AADACL3: variants seen among roughly 807,000 people sequenced by gnomAD.
AADACL3 encodes the protein arylacetamide deacetylase like 3.
In AADACL3, 13 loss-of-function variants were observed where a neutral mutation model predicts 13.6. That is an observed-to-expected ratio of 0.95 (90% CI 0.62 to 1.52). AADACL3 has a LOEUF of 1.52. Among genes scored for constraint, AADACL3 ranks in the 40% most tolerant of loss-of-function variants. The pLI, the probability that AADACL3 is intolerant of heterozygous loss-of-function variation, is 0.00. For synonymous variants in AADACL3, 195 were observed against 197.0 expected (o/e 0.99, Z 0.08); for missense variants, 519 against 499.2 (o/e 1.04, Z -0.38).
At position 12,725,868 on chromosome 1, in the gene AADACL3, C is replaced by A. The variant is rs1457821996; in HGVS notation, c.1096C>A (p.Pro366Thr). 4 of 1,614,044 alleles carry A rather than the reference C, an allele frequency of 2.5e-6. No homozygotes were observed. Among genetic ancestry groups the A allele is most frequent in the Non-Finnish European group, 3.4e-6 (4 of 1,180,044 alleles). ...GAAAAGGCTGGAAGACCTGGGAGTG[C>A]CCGTGACCTGGCACCATATGGAGGA... Reference protein sequence around the residue: ...YKKRLEDLGVPVTWHHMEDGF... With the variant: ...YKKRLEDLGVTVTWHHMEDGF... The change falls in exon 4 of 4, where the codon CCC (proline) becomes ACC (threonine). Residue 366 changes from proline to threonine, a missense_variant. Physicochemically the swap from Pro to Thr is conservative, Grantham distance 38. Transcript: ENST00000359318.
chr1:12,720,768 T>G, intron 2 of AADACL3, 115 bp from the exon 3 acceptor site: 1 of 807,008 alleles, frequency 1.2e-6, no homozygotes, highest in Non-Finnish European at 2.1e-6. Context: ...TTTGCTGGAG[T>G]AGAGGAAAAC....
chr1:12,720,943 T>G lies in AADACL3; in HGVS notation c.446T>G (p.Val149Gly). The G allele has an allele frequency of 6.3e-7, 1 of 1,593,580 alleles. No individual in the cohort carries two copies. The highest frequency in any genetic ancestry group is 8.6e-7 in the Non-Finnish European group (1 of 1,168,718). ...GAGAGTGACTCCGTGGTTCTGGCAGTTGGGTGAGTAAAGGGGAGATCCCAG... is the reference window on the plus strand; with the variant it reads ...GAGAGTGACTCCGTGGTTCTGGCAGGTGGGTGAGTAAAGGGGAGATCCCAG... ...CKESDSVVLA[V>G]GYRKLPKHKF... The change falls in exon 3 of 4, where the codon GTT becomes GGT. Residue 149 changes from valine to glycine, a missense_variant. Val to Gly is a moderately radical substitution (Grantham distance 109). Coordinates refer to ENST00000359318, the MANE Select transcript of AADACL3 (RefSeq NM_001103170.3).
At position 12,726,001 on chromosome 1, in the gene AADACL3, C is replaced by T. The variant is rs368121275; in HGVS notation, c.*5C>T. ...CAATTTGTAAAGGGACTGTGACCAT[C>T]TTTCTTCTCTGCTGGTACTGCGGTG... On this transcript the variant is annotated 3_prime_UTR_variant, in exon 4 of 4. Coordinates refer to ENST00000359318, the MANE Select transcript of AADACL3 (RefSeq NM_001103170.3). 1.6e-5 allele frequency: 25 copies of T among 1,602,416 alleles called. No homozygotes were observed. Among genetic ancestry groups the T allele is most frequent in the African/African-American group, 5.4e-5 (4 of 74,672 alleles).
intron 3 of AADACL3, among the ~76,000 whole-genome samples, chr1:12,724,461 T>A (rs1638326253): frequency 6.6e-6 from 1 of 152,106 alleles, no homozygotes; most frequent in African/African-American, 2.4e-5. Flanking sequence ...CAATGTTGAA[T>A]GAAATGACAT....
rs146861354 is a variant in AADACL3, at chr1:12,726,047, C to A, written c.*51C>A. Reference sequence around the variant, plus strand: ...CGGTGTGGATTCCACTGGCATCCAGCCTCCCACAGGGCTCTCTGTTGCTGA... The same window carrying A: ...CGGTGTGGATTCCACTGGCATCCAGACTCCCACAGGGCTCTCTGTTGCTGA... On this transcript the variant is annotated 3_prime_UTR_variant, in exon 4 of 4. Coordinates refer to ENST00000359318, the MANE Select transcript of AADACL3 (RefSeq NM_001103170.3). 2.1e-4 allele frequency: 319 copies of A among 1,550,840 alleles called. 1 individual carries two copies. The African/African-American group carries it at 3.8e-3, about 18-fold the overall frequency.
In AADACL3 at chr1:12,719,545, C is replaced by T. The variant is rs142242506; in HGVS notation, c.239C>T (p.Pro80Leu). ...TTCTGTTTCATGCAAGATCTGCCTCCGCTAAAGTATGACCCCGATGTTGTG... is the reference window on the plus strand; with the variant it reads ...TTCTGTTTCATGCAAGATCTGCCTCTGCTAAAGTATGACCCCGATGTTGTG... ...QFFCFMQDLP[P>L]LKYDPDVVVT... The change falls in exon 2 of 4, where the codon CCG becomes CTG. Residue 80 changes from proline to leucine, a missense_variant. By Grantham distance (98) the Pro-to-Leu change is moderately conservative (BLOSUM62 -3). Coordinates refer to ENST00000359318, the MANE Select transcript of AADACL3 (RefSeq NM_001103170.3). The T allele has an allele frequency of 5.8e-4, 937 of 1,614,146 alleles. 5 individuals are homozygous for T. The African/African-American group carries it at 0.011, about 19-fold the overall frequency.
At position 12,725,738 on chromosome 1, in the gene AADACL3, G is replaced by A. The variant is rs748441437; in HGVS notation, c.966G>A (p.Met322Ile). 2 of 1,614,040 alleles carry A rather than the reference G, an allele frequency of 1.2e-6. No homozygotes were observed. Among genetic ancestry groups the A allele is most frequent in the East Asian group, 2.2e-5 (1 of 44,884 alleles). ...AAGTAAGTGTTGTCCTGGATGTGATGTGCTCGCCCCTGATTGCAGAAGATG... is the reference window on the plus strand; with the variant it reads ...AAGTAAGTGTTGTCCTGGATGTGATATGCTCGCCCCTGATTGCAGAAGATG... Reference protein sequence around the residue: ...YLEVSVVLDVMCSPLIAEDDI... With the variant: ...YLEVSVVLDVICSPLIAEDDI... Residue 322 changes from methionine (M) to isoleucine (I), a missense_variant, in exon 4 of 4, where the codon ATG becomes ATA. Coordinates refer to ENST00000359318, the MANE Select transcript of AADACL3 (RefSeq NM_001103170.3).
In AADACL3 at chr1:12,719,479, T is replaced by G. The variant is rs1557569863; in HGVS notation, c.173T>G (p.Met58Arg). The G allele has an allele frequency of 5.6e-6, 9 of 1,613,402 alleles. No homozygotes were observed. The highest frequency in any genetic ancestry group is 4.4e-5 in the South Asian group (4 of 91,074). ...CATTTCTTCTCTCTCCAACAGGGGA[T>G]GATATTTGAGAAGCTCAGAATCTGT... is the stretch of plus-strand genomic sequence containing the variant. ...CIFQLLLTWG[M>R]IFEKLRICSM... The change falls in exon 2 of 4, where the codon ATG becomes AGG. Residue 58 changes from methionine to arginine, a missense_variant. Met to Arg is a moderately conservative substitution (Grantham distance 91). Coordinates refer to ENST00000359318, the MANE Select transcript of AADACL3 (RefSeq NM_001103170.3).
In AADACL3 at chr1:12,725,426, G is replaced by C; in HGVS notation, c.654G>C (p.Gln218His). 6.2e-7 allele frequency: 1 copy of C among 1,614,040 alleles called. No individual in the cohort carries two copies. Residue 218 changes from glutamine to histidine, a missense_variant, in exon 4 of 4, where the codon CAG becomes CAC. Coordinates refer to ENST00000359318, the MANE Select transcript of AADACL3 (RefSeq NM_001103170.3). ...CAGATCTGCCCCGGATCCGGGCTCAGATCCTGATCTATGCCATTCTCCAAG... is the reference window on the plus strand; with the variant it reads ...CAGATCTGCCCCGGATCCGGGCTCACATCCTGATCTATGCCATTCTCCAAG... ...DRPDLPRIRA[Q>H]ILIYAILQAL...
At chr1:12,719,087 G>A (rs1648505785) in intron 1 of AADACL3, among the ~76,000 whole-genome samples, 1 of 152,194 alleles carries the variant, frequency 6.6e-6, no homozygotes, top group South Asian at 2.1e-4. Flanking sequence ...GGCCAGATTG[G>A]CTGGGACGGC....
intron 3 of AADACL3, among the ~76,000 whole-genome samples, chr1:12,724,254 C>T (rs1386387904): frequency 1.3e-5 from 2 of 152,128 alleles, no homozygotes; most frequent in Non-Finnish European, 2.9e-5. Context: ...GGCACACTCA[C>T]ACCTACAACC....
In AADACL3 at chr1:12,725,227, G is replaced by A. The variant is rs748929112; in HGVS notation, c.455G>A (p.Arg152His). 102 of 1,594,980 alleles carry A rather than the reference G, an allele frequency of 6.4e-5. No individual in the cohort carries two copies. Among genetic ancestry groups the A allele is most frequent in the Non-Finnish European group, 7.8e-5 (91 of 1,171,710 alleles). Residue 152 changes from arginine to histidine, a missense_variant, in exon 4 of 4, where the codon CGC (arginine) becomes CAC (histidine). Coordinates refer to ENST00000359318, the MANE Select transcript of AADACL3 (RefSeq NM_001103170.3). The stretch of plus-strand genomic sequence containing the variant: ...GTTTCTTGATTCCTTTTTAGTTACC[G>A]CAAGTTACCTAAGCATAAGTTTCCA... ...SDSVVLAVGYRKLPKHKFPVP... is the reference protein window; with the variant it reads ...SDSVVLAVGYHKLPKHKFPVP...
In AADACL3 at chr1:12,728,067, C is replaced by T. The variant is rs1293445323; in HGVS notation, c.*2071C>T. The stretch of plus-strand genomic sequence containing the variant: ...GATCATGGGAGAAATCAAGCACTTT[C>T]ACCTAATGGCTAGATGATTGATTTT... On this transcript the variant is annotated 3_prime_UTR_variant, in exon 4 of 4. Transcript: ENST00000359318. The T allele has an allele frequency of 6.6e-6, 1 of 152,260 alleles. No homozygotes were observed. Among genetic ancestry groups the T allele is most frequent in the African/African-American group, 2.4e-5 (1 of 41,464 alleles). 9.4% of individuals were successfully genotyped at this position (152,260 alleles called of 1,614,324 possible).
In AADACL3 at chr1:12,727,850, T is replaced by C. The variant is rs1569638157; in HGVS notation, c.*1854T>C. The stretch of plus-strand genomic sequence containing the variant: ...GCTGGGAGAGGCTCCCTCCTTGGAG[T>C]GTTGCTTTTTTTGTTTCACCCCTGC... On this transcript the variant is annotated 3_prime_UTR_variant, in exon 4 of 4. Transcript: ENST00000359318. 1 of 151,894 alleles carries C rather than the reference T, an allele frequency of 6.6e-6. No individual in the cohort carries two copies. Among genetic ancestry groups the C allele is most frequent in the African/African-American group, 2.4e-5 (1 of 41,304 alleles). The allele number at this position is 151,894 out of a possible 1,614,324, so 9.4% of individuals were successfully genotyped here.
In AADACL3 at chr1:12,726,014, T is replaced by C. The variant is rs371719702; in HGVS notation, c.*18T>C. On this transcript the variant is annotated 3_prime_UTR_variant, in exon 4 of 4. Transcript: ENST00000359318. ...GACTGTGACCATCTTTCTTCTCTGC[T>C]GGTACTGCGGTGTGGATTCCACTGG... 3.4e-5 allele frequency: 54 copies of C among 1,593,020 alleles called. 1 individual carries two copies. Among genetic ancestry groups the C allele is most frequent in the Non-Finnish European group, 4.4e-5 (51 of 1,169,558 alleles).
intron 3 of AADACL3, 70 bp downstream of exon 3, chr1:12,721,016 G>A: frequency 2.7e-6 from 1 of 370,642 alleles, no homozygotes; most frequent in South Asian, 2.5e-5. Context: ...GGGGTGAGAA[G>A]TAGAAATGGG....
rs1188706248 is a variant in AADACL3 at position 12,716,311 on chromosome 1, C to T, written c.135C>T (p.Val45=). 3 of 1,614,158 alleles carry T rather than the reference C, an allele frequency of 1.9e-6. No individual in the cohort carries two copies. Among genetic ancestry groups the T allele is most frequent in the South Asian group, 2.2e-5 (2 of 91,078 alleles). The change falls in exon 1 of 4, where the codon GTC becomes GTT. Residue 45 remains valine (V), a synonymous_variant. Transcript: ENST00000359318. ...AAVGHPVKLR[V]LHCIFQLLLT... is the part of the protein sequence containing the mutation. The stretch of plus-strand genomic sequence containing the variant: ...TTGGCCACCCTGTGAAACTGAGAGT[C>T]CTCCATTGCATCTTCCAGCTGCTGT...
intron 1 of AADACL3, among the ~76,000 whole-genome samples, chr1:12,717,571 T>C (rs889908717): frequency 1.3e-5 from 2 of 152,188 alleles, no homozygotes; most frequent in Non-Finnish European, 2.9e-5. Flanking sequence ...AGTCCTGGGC[T>C]CTAGGGCCAA....
intron 1 of AADACL3, among the ~76,000 whole-genome samples, chr1:12,716,692 C>A (rs1171073831): frequency 6.6e-6 from 1 of 152,172 alleles, no homozygotes; most frequent in African/African-American, 2.4e-5. Flanking sequence ...GTAAAATATG[C>A]ATATAAAATT....
Sources: gnomAD v4.1 joint callset for allele counts (sites outside exome capture counted in the v4.1 genomes callset) on GRCh38, gnomAD v4.1.1 for gene constraint, MANE v1.5 for transcripts, NCBI Gene and HGNC (gene_info 2026-07-23, HGNC 2026-07-21) for gene names.